The following CREM variants were observed in gnomAD, a reference collection of about 807,000 sequenced individuals.
CREM encodes the protein cAMP responsive element modulator.
A neutral mutation model predicts 37.3 loss-of-function variants in CREM; 13 were observed. The ratio of observed to expected loss-of-function variants is 0.35; its 90% CI spans 0.23 to 0.55. The LOEUF (loss-of-function observed/expected upper bound fraction) is 0.55, where lower values mean the gene tolerates loss of function less well. Among genes scored for constraint, CREM ranks in the 20% least tolerant of loss-of-function variants. The pLI is 0.88. For missense variants in CREM, 296 were observed against 362.3 expected, an observed-to-expected ratio of 0.82 and a Z score of 1.49; for synonymous variants, 124 against 120.2, an observed-to-expected ratio of 1.03 and a Z score of -0.21.
chr10:35,165,422 A>C (rs527790978), intron 3 of CREM, among the ~76,000 whole-genome samples: 150 of 152,302 alleles, frequency 9.8e-4, no homozygotes, highest in African/African-American at 3.4e-3. Context: ...TGAGATTGGG[A>C]GCGGATAAGC....
chr10:35,197,769 A>AT (rs2095253997), intron 6 of CREM, among the ~76,000 whole-genome samples: 2 of 152,124 alleles, frequency 1.3e-5, no homozygotes, highest in Non-Finnish European at 1.5e-5. Context: ...ATTTTACTTT[A>AT]TTTTTTTAAA....
At chr10:35,175,164 C>T (rs1181931352) in intron 3 of CREM, among the ~76,000 whole-genome samples, 1 of 152,240 alleles carries the variant, frequency 6.6e-6, no homozygotes, top group East Asian at 1.9e-4. Flanking sequence ...AAATAATTCA[C>T]TGGCCAGGTA....
Position 35,206,915 on chromosome 10 carries a change from A to G in CREM, c.619A>G (p.Thr207Ala), listed in dbSNP as rs748894555. 18 of 1,613,698 alleles carry G rather than the reference A, an allele frequency of 1.1e-5. No homozygotes were observed. In the Admixed American group the frequency reaches 1.8e-4, roughly 16 times the overall value. Residue 207 changes from threonine (T) to alanine (A), a missense_variant, in exon 7 of 8, where the codon ACT becomes GCT. Thr to Ala is a moderately conservative substitution (Grantham distance 58, BLOSUM62 0). This residue lies in a region of CREM where 257 missense variants were observed against 280.2 expected (regional missense o/e 0.92). Coordinates refer to ENST00000685392, the MANE Select transcript of CREM (RefSeq NM_183011.2). ...VVQAATGDMP[T>A]YQIRAPTAAL... ...TGCAGCTGCCACTGGTGACATGCCAACTTACCAGATCCGAGCTCCTACTGC... is the reference window on the plus strand; with the variant it reads ...TGCAGCTGCCACTGGTGACATGCCAGCTTACCAGATCCGAGCTCCTACTGC...
At chr10:35,177,953 C>T (rs573973006) in intron 3 of CREM, among the ~76,000 whole-genome samples, 36 of 152,176 alleles carry the variant, frequency 2.4e-4, no homozygotes, top group African/African-American at 7.7e-4. Context: ...GTGGGGCGTT[C>T]ATGAGCAAAA....
chr10:35,201,532 T>C (rs2095384852), intron 6 of CREM: 1 of 1,551,120 alleles, frequency 6.4e-7, no homozygotes, highest in Non-Finnish European at 8.7e-7. Context: ...AACCCCATGC[T>C]TTTTCTGCTG....
In CREM at chr10:35,212,906, T is replaced by C. The variant is rs1358298467; in HGVS notation, c.*1508T>C. On this transcript the variant is annotated 3_prime_UTR_variant, in exon 8 of 8. Transcript: ENST00000685392. ...AGACTGCAATGTGATCTATGTTTCA[T>C]CTTGTTTTTATAATAAAAAGCTTCA... is the stretch of plus-strand genomic sequence containing the variant. 3 of 152,792 alleles carry C rather than the reference T, an allele frequency of 2.0e-5. No individual in the cohort carries two copies. Among genetic ancestry groups the C allele is most frequent in the South Asian group, 4.1e-4 (2 of 4,836 alleles). The allele number at this position is 152,792 out of a possible 1,614,324, so 9.5% of individuals were successfully genotyped here.
intron 2 of CREM, among the ~76,000 whole-genome samples, chr10:35,144,863 T>C (rs2091883687): frequency 6.6e-6 from 1 of 152,042 alleles, no homozygotes; most frequent in Non-Finnish European, 1.5e-5. Flanking sequence ...TATCAGTTAT[T>C]GAGTTGTAAC....
intron 6 of CREM, among the ~76,000 whole-genome samples, chr10:35,190,962 A>C (rs902110960): frequency 1.3e-5 from 2 of 152,130 alleles, no homozygotes; most frequent in Non-Finnish European, 2.9e-5. Flanking sequence ...ATGCCCAGCC[A>C]AGACTGCATT....
intron 3 of CREM, among the ~76,000 whole-genome samples, chr10:35,158,798 G>GTTTTTTTTTT (rs543961468): frequency 2.0e-5 from 2 of 100,836 alleles, no homozygotes; most frequent in Non-Finnish European, 4.3e-5. Context: ...CAAATATAGT[G>GTTTTTTTTTT]TTTTTTTTTT....
At chr10:35,181,610 C>T (rs2094355029) in intron 5 of CREM, among the ~76,000 whole-genome samples, 2 of 152,116 alleles carry the variant, frequency 1.3e-5, no homozygotes, top group South Asian at 4.1e-4. Context: ...TGATGGCTCC[C>T]ACCTGTAATC....
At chr10:35,180,241 G>A (rs1383447326) in intron 5 of CREM, among the ~76,000 whole-genome samples, 1 of 152,068 alleles carries the variant, frequency 6.6e-6, no homozygotes, top group Non-Finnish European at 1.5e-5. Flanking sequence ...CTTAGGTACT[G>A]GAATATATGT....
At chr10:35,139,496 T>TTATAGTGC (rs2091130290) in intron 2 of CREM, among the ~76,000 whole-genome samples, 1 of 152,190 alleles carries the variant, frequency 6.6e-6, no homozygotes, top group Non-Finnish European at 1.5e-5. Flanking sequence ...TGTTGTTAAT[T>TTATAGTGC]TATAGTGCTT....
intron 7 of CREM, chr10:35,210,340 AAG>A (rs2134843105): frequency 6.6e-6 from 1 of 152,288 alleles, no homozygotes; most frequent in East Asian, 1.9e-4. Flanking sequence ...AAAAAAGAAA[AAG>A]AGAAAATGTT....
chr10:35,153,844 C>T (rs2092739568), intron 3 of CREM, among the ~76,000 whole-genome samples: 1 of 152,150 alleles, frequency 6.6e-6, no homozygotes, highest in Non-Finnish European at 1.5e-5. Context: ...AGAATTAGTT[C>T]TGATATAACA....
At chr10:35,162,121 C>T (rs1033176602) in intron 3 of CREM, among the ~76,000 whole-genome samples, 1 of 152,178 alleles carries the variant, frequency 6.6e-6, no homozygotes, top group African/African-American at 2.4e-5. Flanking sequence ...TCATTTGCAA[C>T]AAGATGGAGG....
chr10:35,147,630 AT>A (rs774992210), intron 2 of CREM, among the ~76,000 whole-genome samples: 21 of 152,324 alleles, frequency 1.4e-4, no homozygotes, highest in Non-Finnish European at 2.4e-4. Flanking sequence ...CGATGGGGAA[AT>A]TCCTTCACAC....
intron 6 of CREM, among the ~76,000 whole-genome samples, chr10:35,189,379 G>A (rs529918194): frequency 6.6e-6 from 1 of 152,088 alleles, no homozygotes; most frequent in Non-Finnish European, 1.5e-5. Flanking sequence ...AACTGTAATA[G>A]ATGTATTTAA....
intron 6 of CREM, among the ~76,000 whole-genome samples, chr10:35,199,884 T>A (rs2095332067): frequency 9.4e-6 from 1 of 106,670 alleles, no homozygotes; most frequent in Admixed American, 1.4e-4. Context: ...GTCGTTAAAA[T>A]GGCTTTTTTT....
chr10:35,138,039 T>C (rs1257930803), intron 2 of CREM, among the ~76,000 whole-genome samples, 160 bp downstream of exon 2: 2 of 152,202 alleles, frequency 1.3e-5, no homozygotes, highest in Admixed American at 1.3e-4. Flanking sequence ...TAAGGCACCA[T>C]CTACTGTGTA....
Sources: gnomAD v4.1 joint callset for allele counts (sites outside exome capture counted in the v4.1 genomes callset) on GRCh38, gnomAD v4.1.1 for gene constraint, gnomAD v4.1.1 regional missense constraint, MANE v1.5 for transcripts, NCBI Gene and HGNC (gene_info 2026-07-23, HGNC 2026-07-21) for gene names.